Variants in SEL1L3 observed in about 807,000 individuals in gnomAD.
SEL1L3 encodes the protein protein sel-1 homolog 3.
A neutral mutation model predicts 142.8 loss-of-function variants in SEL1L3; 76 were observed. The observed-to-expected ratio is 0.53, with a 90% CI of 0.44 to 0.64. SEL1L3 has a LOEUF of 0.64. Ranked by LOEUF, SEL1L3 falls within the 30% of genes least tolerant of loss-of-function variation. The pLI, the probability that SEL1L3 is intolerant of heterozygous loss-of-function variation, is 0.00. For missense variants in SEL1L3, 1,262 were observed against 1,381.7 expected (o/e 0.91, Z 1.37); for synonymous variants, 504 against 519.6 (o/e 0.97, Z 0.41).
intron 2 of SEL1L3, among the ~76,000 whole-genome samples, chr4:25,843,630 A>G (rs1473041245): frequency 2.0e-5 from 3 of 152,226 alleles, no homozygotes; most frequent in African/African-American, 7.2e-5. Context: ...CATTAGGTAG[A>G]TCCACAGTCT....
At chr4:25,728,216 C>T in the SEL1L3 span, among the ~76,000 whole-genome samples, 25,414 of 152,116 alleles carry the variant, frequency 0.17, 2,996 homozygotes, top group African/African-American at 0.34. Flanking sequence ...TACTGCTCTG[C>T]AAGCTATCAG....
At chr4:25,786,956 C>A (rs1053819821) in intron 13 of SEL1L3, among the ~76,000 whole-genome samples, 1 of 152,128 alleles carries the variant, frequency 6.6e-6, no homozygotes, top group Non-Finnish European at 1.5e-5. Context: ...ATGGGCCTGG[C>A]CTTGTTTGAA....
At chr4:25,780,281 C>T (rs193157856) in intron 15 of SEL1L3, among the ~76,000 whole-genome samples, 11 of 152,258 alleles carry the variant, frequency 7.2e-5, no homozygotes, top group African/African-American at 2.4e-4. Context: ...TGCCCTCTCT[C>T]ACTTGGATCC....
the SEL1L3 span, among the ~76,000 whole-genome samples, chr4:25,716,851 G>A: frequency 6.6e-6 from 1 of 152,182 alleles, no homozygotes; most frequent in Admixed American, 6.5e-5. Context: ...AAAAGGCCAG[G>A]TGCGGTGGCT....
chr4:25,759,839 A>T (rs893871751), intron 20 of SEL1L3: 1 of 152,186 alleles, frequency 6.6e-6, no homozygotes, highest in Non-Finnish European at 1.5e-5. Flanking sequence ...GCAATAAACG[A>T]TGTGGTACTT....
At chr4:25,811,378 C>T (rs960202714) in intron 9 of SEL1L3, among the ~76,000 whole-genome samples, 19 of 152,148 alleles carry the variant, frequency 1.2e-4, no homozygotes, top group African/African-American at 3.6e-4. Context: ...AAGTGTCTAC[C>T]GAGAAAGAGC....
At chr4:25,790,750 A>G (rs1378248908) in intron 11 of SEL1L3, among the ~76,000 whole-genome samples, 176 bp from the exon 12 acceptor site, 3 of 130,596 alleles carry the variant, frequency 2.3e-5, no homozygotes, top group African/African-American at 2.9e-5. Context: ...GAAGGAAGGA[A>G]GGAAGGAAGA....
At chr4:25,721,597 G>T in the SEL1L3 span, among the ~76,000 whole-genome samples, 17 of 152,118 alleles carry the variant, frequency 1.1e-4, no homozygotes, top group African/African-American at 4.1e-4. Context: ...CTATTGGGGA[G>T]ACAAAGCAAA....
At chr4:25,851,581 A>G (rs755529246) in intron 1 of SEL1L3, among the ~76,000 whole-genome samples, 12 of 151,832 alleles carry the variant, frequency 7.9e-5, no homozygotes, top group Non-Finnish European at 1.6e-4. Flanking sequence ...AGGTGAGGAG[A>G]AAGCAACTGT....
At chr4:25,859,767 C>G (rs1717563079) in intron 1 of SEL1L3, among the ~76,000 whole-genome samples, 1 of 152,204 alleles carries the variant, frequency 6.6e-6, no homozygotes, top group Non-Finnish European at 1.5e-5. Flanking sequence ...CATAAAAACC[C>G]CAAACCTTTA....
intron 10 of SEL1L3, among the ~76,000 whole-genome samples, chr4:25,804,024 C>A (rs1270585015): frequency 6.6e-6 from 1 of 152,140 alleles, no homozygotes; most frequent in Non-Finnish European, 1.5e-5. Flanking sequence ...CACTGGAGAA[C>A]CCTGACTAAT....
intron 1 of SEL1L3, among the ~76,000 whole-genome samples, chr4:25,852,683 C>T (rs1179093255): frequency 1.3e-5 from 2 of 152,206 alleles, no homozygotes; most frequent in African/African-American, 2.4e-5. Context: ...AGACAAAGGG[C>T]AGCCCAGCAC....
At chr4:25,860,275 G>C (rs1443102261) in intron 1 of SEL1L3, among the ~76,000 whole-genome samples, 1 of 152,112 alleles carries the variant, frequency 6.6e-6, no homozygotes, top group Non-Finnish European at 1.5e-5. Flanking sequence ...TCCTCCTCTA[G>C]AGTCTACATA....
Position 25,788,464 on chromosome 4 carries a change from G to C in SEL1L3, c.2077-100C>G. 1 of 1,235,490 alleles carries C rather than the reference G, an allele frequency of 8.1e-7. No homozygotes were observed. The highest frequency in any genetic ancestry group is 1.4e-5 in the South Asian group (1 of 72,122). The allele number at this position is 1,235,490 out of a possible 1,614,324, so 76.5% of individuals were successfully genotyped here. A position where few individuals can be genotyped will look rare whatever the true frequency, so the allele number is the denominator to read the frequency against. The stretch of plus-strand genomic sequence containing the variant: ...AGCAAACCTACTTTACGATGTTTTA[G>C]ATTGAGAACCAAGGATTAGATACAC... On this transcript the variant is annotated intron_variant, in intron 12 of 23. Coordinates refer to ENST00000399878, the MANE Select transcript of SEL1L3 (RefSeq NM_015187.5). This position sits in a 1 kb window ranked among gnomAD's most constrained non-coding sequence, Gnocchi z 5.3.
chr4:25,734,935 G>C, the SEL1L3 span, among the ~76,000 whole-genome samples: 1 of 152,034 alleles, frequency 6.6e-6, no homozygotes, highest in Non-Finnish European at 1.5e-5. Context: ...TATTTTGTCT[G>C]ATTTTGACAT....
At chr4:25,752,497 T>C (rs1449763050) in intron 23 of SEL1L3, among the ~76,000 whole-genome samples, 1 of 152,088 alleles carries the variant, frequency 6.6e-6, no homozygotes, top group Non-Finnish European at 1.5e-5. Context: ...CTTTGGTCAT[T>C]ATGTCTGTTT....
intron 1 of SEL1L3, among the ~76,000 whole-genome samples, chr4:25,858,596 GTTTGT>G (rs1164475880): frequency 6.6e-6 from 1 of 151,682 alleles, no homozygotes; most frequent in African/African-American, 2.4e-5. Context: ...TTGTTTGTTT[GTTTGT>G]TTTGAGACAG....
downstream of SEL1L3, chr4:25,747,412 A>G (rs1228713487): frequency 6.8e-6 from 1 of 147,228 alleles, no homozygotes; most frequent in Non-Finnish European, 1.5e-5. Context: ...AAAAAGGGGA[A>G]AAAAAACCAC....
chr4:25,714,051 A>G, the SEL1L3 span, among the ~76,000 whole-genome samples: 1 of 152,046 alleles, frequency 6.6e-6, no homozygotes, highest in Non-Finnish European at 1.5e-5. Context: ...AAGGCAAGTC[A>G]CTCCTCTTTG....
Sources: allele counts gnomAD v4.1 joint callset (sites outside exome capture counted in the v4.1 genomes callset), GRCh38; gene constraint gnomAD v4.1.1; non-coding constraint Gnocchi (gnomAD v3.1); transcripts MANE v1.5; gene names NCBI Gene and HGNC (gene_info 2026-07-23, HGNC 2026-07-21).